ANGPTL5: variants seen among roughly 807,000 people sequenced by gnomAD.
ANGPTL5 encodes the protein angiopoietin-related protein 5.
In ANGPTL5, 34 loss-of-function variants were observed where a neutral mutation model predicts 39.4. The observed-to-expected ratio is 0.86, with a 90% CI of 0.66 to 1.15. The LOEUF (loss-of-function observed/expected upper bound fraction) is 1.15, where lower values mean the gene tolerates loss of function less well. ANGPTL5 is among the 50% of genes most tolerant of loss of function. The pLI, the probability that ANGPTL5 is intolerant of heterozygous loss-of-function variation, is 0.00. For synonymous variants in ANGPTL5, 146 were observed against 152.1 expected (o/e 0.96, Z 0.29); for missense variants, 467 against 457.5 (o/e 1.02, Z -0.19).
At chr11:101,915,326 A>G (rs1940181548) in intron 1 of ANGPTL5, 4 of 1,613,930 alleles carry the variant, frequency 2.5e-6, no homozygotes, top group Non-Finnish European at 3.4e-6. Context: ...CGGTCGGGGA[A>G]CTGGGCACTG....
At position 101,891,513 on chromosome 11, in the gene ANGPTL5, G is replaced by T; in HGVS notation, c.933C>A (p.Arg311=). The T allele has an allele frequency of 6.2e-7, 1 of 1,613,990 alleles. No individual in the cohort carries two copies. ...STSDVDNDGC[R]PACLVNGQSV... ...ACTGACCATTGACCAGGCATGCAGGGCGACACCCATCATTATCAACATCTG... is the reference window on the plus strand; with the variant it reads ...ACTGACCATTGACCAGGCATGCAGGTCGACACCCATCATTATCAACATCTG... Residue 311 remains arginine (R), a synonymous_variant, in exon 9 of 9, where the codon CGC becomes CGA. Transcript: ENST00000334289.
At chr11:101,900,656 C>A (rs1939878137) in intron 6 of ANGPTL5, 106 bp from the exon 7 acceptor site, 2 of 1,155,100 alleles carry the variant, frequency 1.7e-6, no homozygotes, top group South Asian at 2.6e-5. Context: ...GACGGTACTG[C>A]CACTGAGTTT....
chr11:101,902,806 T>C, intron 5 of ANGPTL5, 85 bp from the exon 6 acceptor site: 4 of 775,194 alleles, frequency 5.2e-6, no homozygotes, highest in Non-Finnish European at 8.5e-6. Flanking sequence ...GATAGTGCTA[T>C]TATCATAATT....
chr11:101,903,155 C>T (rs1187363088), intron 5 of ANGPTL5, among the ~76,000 whole-genome samples: 1 of 152,138 alleles, frequency 6.6e-6, no homozygotes, highest in African/African-American at 2.4e-5. Flanking sequence ...ACATATTTCA[C>T]TATTCTATTC....
intron 1 of ANGPTL5, among the ~76,000 whole-genome samples, chr11:101,908,780 C>CA (rs59041644): frequency 0.049 from 3,135 of 64,512 alleles, 69 homozygotes; most frequent in East Asian, 0.055. Context: ...GACTCCATCT[C>CA]AAAAAAAAAA....
chr11:101,913,856 T>C (rs1940135703), intron 1 of ANGPTL5, among the ~76,000 whole-genome samples: 2 of 152,232 alleles, frequency 1.3e-5, no homozygotes, highest in Admixed American at 1.3e-4. Flanking sequence ...GGCCATTGCC[T>C]GTGGCTAGGC....
chr11:101,903,318 T>G, intron 5 of ANGPTL5, among the ~76,000 whole-genome samples: 1 of 152,076 alleles, frequency 6.6e-6, no homozygotes, highest in East Asian at 1.9e-4. Flanking sequence ...AATCACCTTC[T>G]CCAAAGCACT....
chr11:101,902,400 AG>A (rs1939919446), intron 6 of ANGPTL5, among the ~76,000 whole-genome samples: 1 of 152,174 alleles, frequency 6.6e-6, no homozygotes, highest in African/African-American at 2.4e-5. Flanking sequence ...AAACTCAAAT[AG>A]AAAAGTGAAA....
chr11:101,894,100 T>G (rs1367321860), intron 8 of ANGPTL5, among the ~76,000 whole-genome samples: 1 of 152,220 alleles, frequency 6.6e-6, no homozygotes, highest in Non-Finnish European at 1.5e-5. Flanking sequence ...TCAACTGAAA[T>G]CATTCTCACC....
intron 1 of ANGPTL5, among the ~76,000 whole-genome samples, chr11:101,914,149 A>G (rs1940141960): frequency 6.6e-6 from 1 of 152,270 alleles, no homozygotes; most frequent in Admixed American, 6.5e-5. Context: ...TCACAAAGGC[A>G]GAGACATTTG....
chr11:101,913,803 T>G (rs1160561364), intron 1 of ANGPTL5, among the ~76,000 whole-genome samples: 1 of 152,142 alleles, frequency 6.6e-6, no homozygotes, highest in Non-Finnish European at 1.5e-5. Flanking sequence ...AGATCACCCA[T>G]GGGGAGACAA....
Position 101,900,444 on chromosome 11 carries a change from A to T in ANGPTL5, c.647T>A (p.Phe216Tyr), listed in dbSNP as rs764043070. ...AAAAAATTAACCTAGAAGATCTCCA[A>T]ATCCATCCAGATAATCACACCACAA... ...QRLWCDYLDG[F>Y]GDLLGEFWLG... Residue 216 changes from phenylalanine (F) to tyrosine (Y), a missense_variant, in exon 7 of 9, where the codon TTT (phenylalanine) becomes TAT (tyrosine). By Grantham distance (22) the Phe-to-Tyr change is conservative. Coordinates refer to ENST00000334289, the MANE Select transcript of ANGPTL5 (RefSeq NM_178127.5). 1 of 1,613,448 alleles carries T rather than the reference A, an allele frequency of 6.2e-7. No individual in the cohort carries two copies. The highest frequency in any genetic ancestry group is 8.5e-7 in the Non-Finnish European group (1 of 1,179,714).
At chr11:101,900,100 A>G (rs1939867049) in intron 7 of ANGPTL5, among the ~76,000 whole-genome samples, 2 of 152,206 alleles carry the variant, frequency 1.3e-5, no homozygotes, top group South Asian at 4.1e-4. Flanking sequence ...GATCTAGGAC[A>G]ACGCTGCCAT....
chr11:101,903,237 T>C (rs190640859), intron 5 of ANGPTL5, among the ~76,000 whole-genome samples: 1 of 152,270 alleles, frequency 6.6e-6, no homozygotes, highest in East Asian at 1.9e-4. Flanking sequence ...AAAATCACTT[T>C]CTTCCCCAAG....
rs1939872329 is a variant in ANGPTL5, at chr11:101,900,436, G to A, written c.655C>T (p.Leu219Phe). 3.1e-6 allele frequency: 5 copies of A among 1,612,992 alleles called. No individual in the cohort carries two copies. In the East Asian group the frequency reaches 1.1e-4, roughly 36 times the overall value. Reference protein sequence around the residue: ...WCDYLDGFGDLLGEFWLGLKK... With the variant: ...WCDYLDGFGDFLGEFWLGLKK... Reference sequence around the variant, plus strand: ...GAAATACAAAAAAATTAACCTAGAAGATCTCCAAATCCATCCAGATAATCA... The same window carrying A: ...GAAATACAAAAAAATTAACCTAGAAAATCTCCAAATCCATCCAGATAATCA... The change falls in exon 7 of 9, where the codon CTT (leucine) becomes TTT (phenylalanine). Residue 219 changes from leucine to phenylalanine, a missense_variant. By Grantham distance (22) the Leu-to-Phe change is conservative (BLOSUM62 0). Coordinates refer to ENST00000334289, the MANE Select transcript of ANGPTL5 (RefSeq NM_178127.5).
chr11:101,909,681 A>G (rs1443771303), intron 1 of ANGPTL5, among the ~76,000 whole-genome samples: 1 of 152,116 alleles, frequency 6.6e-6, no homozygotes, highest in Non-Finnish European at 1.5e-5. Flanking sequence ...AAAATACTTC[A>G]GTGGAAGATG....
At chr11:101,907,279 A>T (rs1451284375) in intron 2 of ANGPTL5, 32 bp from the exon 3 acceptor site, 6 of 1,318,670 alleles carry the variant, frequency 4.6e-6, no homozygotes, top group Non-Finnish European at 6.3e-6. Flanking sequence ...TAAGAAAAAA[A>T]TACATTAAAC....
intron 8 of ANGPTL5, among the ~76,000 whole-genome samples, chr11:101,893,712 A>G (rs1481241955): frequency 6.6e-6 from 1 of 152,178 alleles, no homozygotes; most frequent in Non-Finnish European, 1.5e-5. Context: ...ATTGAAAATC[A>G]TATATTGTAA....
At chr11:101,907,307 A>G in intron 2 of ANGPTL5, 60 bp from the exon 3 acceptor site, 1 of 1,077,548 alleles carries the variant, frequency 9.3e-7, no homozygotes, top group Non-Finnish European at 1.3e-6. Context: ...ATGACCTAAT[A>G]CATAATAAAA....
Sources: gnomAD v4.1 joint callset for allele counts (sites outside exome capture counted in the v4.1 genomes callset) on GRCh38, gnomAD v4.1.1 for gene constraint, MANE v1.5 for transcripts, NCBI Gene and HGNC (gene_info 2026-07-23, HGNC 2026-07-21) for gene names.